The following PDE3A variants were observed in gnomAD, a reference collection of about 807,000 sequenced individuals.
PDE3A encodes cGMP-inhibited 3',5'-cyclic phosphodiesterase 3A.
PDE3A carries 43 observed loss-of-function variants against 98.3 expected under a neutral mutation model. The ratio of observed to expected loss-of-function variants is 0.44; its 90% CI spans 0.34 to 0.56. The LOEUF (loss-of-function observed/expected upper bound fraction) is 0.56, where lower values mean the gene tolerates loss of function less well. PDE3A is among the 20% of genes least tolerant of loss of function. The probability of loss-of-function intolerance (pLI) is 0.01; values close to 1 mark genes in which losing one functional copy is unlikely to be tolerated. For synonymous variants in PDE3A, 663 were observed against 567.9 expected, an observed-to-expected ratio of 1.17 and a Z score of -2.38; for missense variants, 1,427 against 1,440.7, an observed-to-expected ratio of 0.99 and a Z score of 0.15.
At chr12:20,559,445 C>T (rs1942456453) in intron 2 of PDE3A, among the ~76,000 whole-genome samples, 1 of 151,318 alleles carries the variant, frequency 6.6e-6, no homozygotes, top group Admixed American at 6.6e-5. Context: ...TGAGACCAGC[C>T]TGTCCAACAT....
In PDE3A at chr12:20,686,693, GCTTCT is replaced by G. The variant is rs1471759770; in HGVS notation, c.*6427_*6431del. ...GACAAACTCATAGGAGGAAAGCATG[GCTTCT>G]CTTCAATTATACTTCTCTTACTCAA... is the stretch of plus-strand genomic sequence containing the variant. On this transcript the variant is annotated 3_prime_UTR_variant, in exon 16 of 16. Coordinates refer to ENST00000359062, the MANE Select transcript of PDE3A (RefSeq NM_000921.5). Among the ~76,000 whole-genome samples, 3 of 152,064 alleles carry G rather than the reference GCTTCT, an allele frequency of 2.0e-5. No individual in the cohort carries two copies. The highest frequency in any genetic ancestry group is 7.2e-5 in the African/African-American group (3 of 41,428).
chr12:20,581,978 G>A (rs1180167781), intron 2 of PDE3A, among the ~76,000 whole-genome samples: 1 of 152,018 alleles, frequency 6.6e-6, no homozygotes, highest in African/African-American at 2.4e-5. Context: ...ATGAAAAGAA[G>A]CTCCTTTCAA....
At chr12:20,458,929 A>G (rs186896456) in intron 1 of PDE3A, among the ~76,000 whole-genome samples, 1 of 152,146 alleles carries the variant, frequency 6.6e-6, no homozygotes, top group African/African-American at 2.4e-5. Flanking sequence ...TTATAGTTAA[A>G]CCTTAAGAAG....
intron 1 of PDE3A, among the ~76,000 whole-genome samples, chr12:20,383,109 T>G (rs1943690804): frequency 6.6e-6 from 1 of 151,798 alleles, no homozygotes; most frequent in Non-Finnish European, 1.5e-5. Flanking sequence ...AGAGAGATAT[T>G]TAAAAAAATT....
chr12:20,587,417 C>T (rs975823512), intron 2 of PDE3A, among the ~76,000 whole-genome samples: 1 of 144,474 alleles, frequency 6.9e-6, no homozygotes, highest in Non-Finnish European at 1.5e-5. Context: ...CTCTTCTATA[C>T]CATGTACAAA....
In PDE3A at chr12:20,628,820, A is replaced by G. The variant is rs867383827; in HGVS notation, c.1541-1088A>G. The stretch of plus-strand genomic sequence containing the variant: ...CACACAAAATCGTTCAACAAACTTA[A>G]TATTCTTTTCAGTGGACCAGAAAAC... On this transcript the variant is annotated intron_variant, in intron 5 of 15. Coordinates refer to ENST00000359062, the MANE Select transcript of PDE3A (RefSeq NM_000921.5). Among the ~76,000 whole-genome samples, 39 of 152,322 alleles carry G rather than the reference A, an allele frequency of 2.6e-4. 1 individual carries two copies. In the Middle Eastern group the frequency reaches 0.014, roughly 53 times the overall value.
chr12:20,399,139 A>G (rs2120650634), intron 1 of PDE3A, among the ~76,000 whole-genome samples: 1 of 152,282 alleles, frequency 6.6e-6, no homozygotes, highest in South Asian at 2.1e-4. Context: ...ATGTCGTAGC[A>G]CATGTCAGAA....
At chr12:20,662,186 A>T (rs112125571) in intron 15 of PDE3A, among the ~76,000 whole-genome samples, 11 of 152,346 alleles carry the variant, frequency 7.2e-5, no homozygotes, top group African/African-American at 2.4e-4. Flanking sequence ...CAGTAGCATG[A>T]AAACGGACTA....
intron 5 of PDE3A, among the ~76,000 whole-genome samples, chr12:20,624,909 G>T (rs917217643): frequency 6.6e-6 from 1 of 152,082 alleles, no homozygotes; most frequent in African/African-American, 2.4e-5. Context: ...GAAAGAAGCT[G>T]GGAAGAGCCC....
intron 9 of PDE3A, 64 bp downstream of exon 9, chr12:20,637,301 G>A (rs1944538108): frequency 7.8e-7 from 1 of 1,286,124 alleles, no homozygotes; most frequent in African/African-American, 1.5e-5. Context: ...GTTGCTTAAA[G>A]CTCTGTAAAT....
At chr12:20,464,450 A>C (rs80016165) in intron 1 of PDE3A, among the ~76,000 whole-genome samples, 21,486 of 152,138 alleles carry the variant, frequency 0.14, 2,378 homozygotes, top group African/African-American at 0.31. Context: ...ATATTGAGTA[A>C]GTTGTTTTTT....
At chr12:20,441,886 A>G (rs1208204364) in intron 1 of PDE3A, among the ~76,000 whole-genome samples, 1 of 152,020 alleles carries the variant, frequency 6.6e-6, no homozygotes, top group African/African-American at 2.4e-5. Flanking sequence ...CACAGCATGC[A>G]TTTCTTGTTT....
intron 1 of PDE3A, among the ~76,000 whole-genome samples, chr12:20,542,464 C>T (rs1316387392): frequency 2.0e-5 from 2 of 99,970 alleles, no homozygotes; most frequent in African/African-American, 6.7e-5. Context: ...CACACACACA[C>T]ACACACACAT....
chr12:20,684,352 G>A lies in PDE3A; in HGVS notation c.*4081G>A, dbSNP rs1231417027. The A allele has an allele frequency of 6.6e-6, 1 of 152,052 alleles. No individual in the cohort carries two copies. The highest frequency in any genetic ancestry group is 1.5e-5 in the Non-Finnish European group (1 of 68,016). The allele number at this position is 152,052 out of a possible 1,614,324, so 9.4% of individuals were successfully genotyped here. On this transcript the variant is annotated 3_prime_UTR_variant, in exon 16 of 16. Coordinates refer to ENST00000359062, the MANE Select transcript of PDE3A (RefSeq NM_000921.5). ...GCCTTTCCTGACTTATATGCCATTT[G>A]TAAATAAACTTCCTTTCAAACTGTT...
intron 6 of PDE3A, among the ~76,000 whole-genome samples, chr12:20,632,342 G>A (rs952488937): frequency 9.9e-5 from 15 of 152,042 alleles, no homozygotes; most frequent in East Asian, 1.9e-4. Context: ...GTGCACACAC[G>A]AGCACAATTC....
chr12:20,677,217 G>C (rs564966696), intron 15 of PDE3A, among the ~76,000 whole-genome samples: 1 of 152,098 alleles, frequency 6.6e-6, no homozygotes, highest in African/African-American at 2.4e-5. Flanking sequence ...TGTCTCTTTA[G>C]TAAATTTCTC....
intron 2 of PDE3A, among the ~76,000 whole-genome samples, chr12:20,608,001 T>C (rs775328390): frequency 6.6e-6 from 1 of 152,212 alleles, no homozygotes; most frequent in Non-Finnish European, 1.5e-5. Context: ...AAAACTTCTG[T>C]GTGAATCACA....
Position 20,380,993 on chromosome 12 carries a change from G to A in PDE3A, c.960+10749G>A, listed in dbSNP as rs566813055. On this transcript the variant is annotated intron_variant, in intron 1 of 15. Transcript: ENST00000359062. Reference sequence around the variant, plus strand: ...AGTAGTGTCTGTTTTTATTCCTAGGGATTGTTTTCCCTATAATTGGAGTTG... The same window carrying A: ...AGTAGTGTCTGTTTTTATTCCTAGGAATTGTTTTCCCTATAATTGGAGTTG... 5.3e-5 allele frequency among the ~76,000 whole-genome samples: 8 copies of A among 151,920 alleles called. No homozygotes were observed. The South Asian group carries it at 1.7e-3, about 32-fold the overall frequency.
At chr12:20,626,960 T>G (rs1944275899) in intron 5 of PDE3A, among the ~76,000 whole-genome samples, 2 of 152,150 alleles carry the variant, frequency 1.3e-5, no homozygotes, top group African/African-American at 4.8e-5. Context: ...CCAAGAACTC[T>G]AATGGTTGTG....
Sources: allele counts gnomAD v4.1 joint callset (sites outside exome capture counted in the v4.1 genomes callset), GRCh38; gene constraint gnomAD v4.1.1; transcripts MANE v1.5; gene names NCBI Gene and HGNC (gene_info 2026-07-23, HGNC 2026-07-21).